Variants in UGGT2 observed in about 807,000 individuals in gnomAD.
The protein encoded by UGGT2 is UDP-glucose:glycoprotein glucosyltransferase 2.
UGGT2 carries 180 observed loss-of-function variants against 192.1 expected under a neutral mutation model. The ratio of observed to expected loss-of-function variants is 0.94; its 90% CI spans 0.83 to 1.06. The LOEUF (loss-of-function observed/expected upper bound fraction) is 1.06. Among genes scored for constraint, UGGT2 ranks in the 50% least tolerant of loss-of-function variants. UGGT2 has a pLI of 0.00. For missense variants in UGGT2, 1,849 were observed against 1,795.7 expected, an observed-to-expected ratio of 1.03 and a Z score of -0.54; for synonymous variants, 580 against 591.0, an observed-to-expected ratio of 0.98 and a Z score of 0.27.
In UGGT2 at chr13:95,972,679, T is replaced by C. The variant is rs892973158; in HGVS notation, c.1093-8A>G. 3 of 1,607,272 alleles carry C rather than the reference T, an allele frequency of 1.9e-6. No individual in the cohort carries two copies. Among genetic ancestry groups the C allele is most frequent in the African/African-American group, 1.3e-5 (1 of 74,744 alleles). ...AAATCTAACTTGAAGATCCTTGAAGTAGAGCAAAGCAATAGTTAACCAGTG... is the reference window on the plus strand; with the variant it reads ...AAATCTAACTTGAAGATCCTTGAAGCAGAGCAAAGCAATAGTTAACCAGTG... On this transcript the variant is annotated splice_polypyrimidine_tract_variant and splice_region_variant and intron_variant, in intron 10 of 38. Transcript: ENST00000376747.
At chr13:95,983,129 G>C (rs909368412) in intron 10 of UGGT2, among the ~76,000 whole-genome samples, 4 of 152,166 alleles carry the variant, frequency 2.6e-5, no homozygotes, top group Non-Finnish European at 5.9e-5. Context: ...TCACCAATGA[G>C]ATAGAAACCA....
At chr13:95,862,929 C>G (rs1890299055) in intron 31 of UGGT2, among the ~76,000 whole-genome samples, 1 of 152,176 alleles carries the variant, frequency 6.6e-6, no homozygotes, top group Admixed American at 6.5e-5. Flanking sequence ...GCGTTGCAAT[C>G]TTGACTTACT....
intron 2 of UGGT2, among the ~76,000 whole-genome samples, chr13:96,027,019 G>GA (rs1382711814): frequency 6.6e-6 from 1 of 152,168 alleles, no homozygotes; most frequent in Non-Finnish European, 1.5e-5. Flanking sequence ...GAACTTGGGA[G>GA]ATATGGTGAG....
At chr13:95,954,205 A>G (rs1408986032) in intron 12 of UGGT2, among the ~76,000 whole-genome samples, 1 of 152,234 alleles carries the variant, frequency 6.6e-6, no homozygotes, top group African/African-American at 2.4e-5. Flanking sequence ...AAACATAAAT[A>G]ACTTTCATGT....
chr13:95,997,701 C>T (rs558376688), intron 6 of UGGT2, among the ~76,000 whole-genome samples: 20 of 151,950 alleles, frequency 1.3e-4, no homozygotes, highest in Non-Finnish European at 1.6e-4. Flanking sequence ...GTGAAGACAG[C>T]GGTAGGCAAA....
chr13:95,858,168 G>C (rs1359173939), intron 33 of UGGT2, among the ~76,000 whole-genome samples: 3 of 151,756 alleles, frequency 2.0e-5, no homozygotes, highest in African/African-American at 7.3e-5. Flanking sequence ...TGCTATAAAG[G>C]ATGATTCTTG....
intron 37 of UGGT2, among the ~76,000 whole-genome samples, chr13:95,834,426 C>T (rs1174639122): frequency 6.6e-6 from 1 of 151,948 alleles, no homozygotes; most frequent in East Asian, 1.9e-4. Flanking sequence ...CAGGAAAACC[C>T]CTGTAACAAA....
chr13:95,902,798 TCA>T (rs2048146870), intron 21 of UGGT2, 54 bp downstream of exon 21: 3 of 1,507,376 alleles, frequency 2.0e-6, no homozygotes, highest in Admixed American at 1.9e-5. Flanking sequence ...CCAAATACAC[TCA>T]CACTTTTAAA....
chr13:95,993,552 A>G lies in UGGT2; in HGVS notation c.830+2511T>C, dbSNP rs545686023. 4.6e-5 allele frequency among the ~76,000 whole-genome samples: 7 copies of G among 152,344 alleles called. No individual in the cohort carries two copies. The South Asian group carries it at 1.4e-3, about 32-fold the overall frequency. ...ATAGCTGAAAATGGGATAAAAATGT[A>G]TTGTTAGCTGCTAAATAAATACCTT... On this transcript the variant is annotated intron_variant, in intron 7 of 38. Coordinates refer to ENST00000376747, the MANE Select transcript of UGGT2 (RefSeq NM_020121.4).
intron 5 of UGGT2, among the ~76,000 whole-genome samples, chr13:96,001,434 C>A (rs908897215): frequency 1.3e-5 from 2 of 152,130 alleles, no homozygotes; most frequent in African/African-American, 4.8e-5. Flanking sequence ...GGCCCCACCC[C>A]ATCTCCCTTC....
chr13:95,926,784 T>C (rs1212493654), intron 19 of UGGT2, among the ~76,000 whole-genome samples: 1 of 152,162 alleles, frequency 6.6e-6, no homozygotes, highest in African/African-American at 2.4e-5. Context: ...AAGATTTTAT[T>C]CTTTTCTTAA....
intron 10 of UGGT2, 52 bp from the exon 11 acceptor site, chr13:95,972,723 A>T: frequency 7.7e-7 from 1 of 1,299,294 alleles, no homozygotes; most frequent in Non-Finnish European, 1.1e-6. Flanking sequence ...ATAGTGACCT[A>T]TATTAGGGGT....
At chr13:95,829,636 GA>G (rs1886447371) in intron 38 of UGGT2, among the ~76,000 whole-genome samples, 1 of 152,152 alleles carries the variant, frequency 6.6e-6, no homozygotes, top group Non-Finnish European at 1.5e-5. Context: ...CCTCTTCAAA[GA>G]GAACTACAAA....
intron 10 of UGGT2, among the ~76,000 whole-genome samples, chr13:95,975,451 C>G (rs2050906713): frequency 6.6e-6 from 1 of 152,106 alleles, no homozygotes; most frequent in Non-Finnish European, 1.5e-5. Flanking sequence ...TTCATGGCCT[C>G]TAGCTTATTT....
intron 12 of UGGT2, among the ~76,000 whole-genome samples, chr13:95,953,262 G>A (rs564600756): frequency 1.3e-5 from 2 of 152,286 alleles, no homozygotes; most frequent in African/African-American, 4.8e-5. Flanking sequence ...TTCCCTTCAT[G>A]CTACGTCTAA....
intron 29 of UGGT2, among the ~76,000 whole-genome samples, chr13:95,875,044 A>T (rs1483696593): frequency 1.3e-5 from 2 of 152,126 alleles, no homozygotes; most frequent in Non-Finnish European, 2.9e-5. Flanking sequence ...AAGTGGTTGT[A>T]CCATTCTAGA....
At chr13:95,811,734 G>A (rs1052526054) in intron 38 of UGGT2, among the ~76,000 whole-genome samples, 9 of 151,860 alleles carry the variant, frequency 5.9e-5, no homozygotes, top group Admixed American at 3.9e-4. Context: ...GAGAAAAGAG[G>A]AAAAAACAGA....
At chr13:95,839,806 A>G (rs900924670) in intron 36 of UGGT2, among the ~76,000 whole-genome samples, 1 of 152,076 alleles carries the variant, frequency 6.6e-6, no homozygotes, top group African/African-American at 2.4e-5. Context: ...TGTTATTGTC[A>G]ATCTTTTTTA....
intron 36 of UGGT2, among the ~76,000 whole-genome samples, chr13:95,852,415 A>C (rs981188020): frequency 7.9e-5 from 12 of 152,110 alleles, no homozygotes; most frequent in African/African-American, 2.7e-4. Context: ...TGGCCACCCA[A>C]TTTATACCTG....
Sources: gnomAD v4.1 joint callset for allele counts (sites outside exome capture counted in the v4.1 genomes callset) on GRCh38, gnomAD v4.1.1 for gene constraint, MANE v1.5 for transcripts, NCBI Gene and HGNC (gene_info 2026-07-23, HGNC 2026-07-21) for gene names.